Variants in ALPK3 observed in about 807,000 individuals in gnomAD.
ALPK3 encodes alpha kinase 3.
A neutral mutation model predicts 140.0 loss-of-function variants in ALPK3; 102 were observed. The ratio of observed to expected loss-of-function variants is 0.73; its 90% CI spans 0.62 to 0.86. The LOEUF (loss-of-function observed/expected upper bound fraction) is 0.86. Ranked by LOEUF, ALPK3 falls within the 40% of genes least tolerant of loss-of-function variation. The pLI is 0.00. For missense variants in ALPK3, 2,254 were observed against 2,208.2 expected, an observed-to-expected ratio of 1.02 and a Z score of -0.42; for synonymous variants, 938 against 898.5, an observed-to-expected ratio of 1.04 and a Z score of -0.79.
Position 84,862,798 on chromosome 15 carries a change from G to C in ALPK3, c.4293G>C (p.Gly1431=), listed in dbSNP as rs748265415. The C allele has an allele frequency of 1.2e-6, 2 of 1,614,008 alleles. No individual in the cohort carries two copies. Among genetic ancestry groups the C allele is most frequent in the African/African-American group, 2.7e-5 (2 of 74,906 alleles). Residue 1431 remains glycine, a synonymous_variant, in exon 10 of 14, where the codon GGG becomes GGC. Coordinates refer to ENST00000258888, the MANE Select transcript of ALPK3 (RefSeq NM_020778.5). ...CCTCCCAGGCCAAGGTCATCTACGG[G>C]CTGGAACCCATCTTCGAGTCGGGCC... The part of the protein sequence containing the change: ...RKASQAKVIY[G]LEPIFESGRT...
chr15:84,845,770 C>A (rs774761675), intron 5 of ALPK3, among the ~76,000 whole-genome samples: 5 of 152,210 alleles, frequency 3.3e-5, no homozygotes, highest in Non-Finnish European at 7.3e-5. Flanking sequence ...ATCCAAATAG[C>A]ACTGCAGGCC....
chr15:84,834,400 C>T (rs1314157877), intron 3 of ALPK3, among the ~76,000 whole-genome samples: 1 of 152,174 alleles, frequency 6.6e-6, no homozygotes, highest in Non-Finnish European at 1.5e-5. Flanking sequence ...CTGGGATTTC[C>T]TCGTCCTTAA....
chr15:84,859,580 A>G (rs754980755), intron 7 of ALPK3, among the ~76,000 whole-genome samples, 190 bp downstream of exon 7: 11 of 152,228 alleles, frequency 7.2e-5, no homozygotes, highest in Middle Eastern at 3.2e-3. Context: ...CCAAAGCCAC[A>G]CAGCTAGTAA....
At chr15:84,822,365 G>C (rs1481544725) in intron 1 of ALPK3, among the ~76,000 whole-genome samples, 3 of 152,148 alleles carry the variant, frequency 2.0e-5, no homozygotes, top group African/African-American at 7.2e-5. Flanking sequence ...AAAAGGATGG[G>C]TTTGGTGTTG....
chr15:84,842,232 C>T lies in ALPK3; in HGVS notation c.1653+1300C>T, dbSNP rs182176700. On this transcript the variant is annotated intron_variant, in intron 5 of 13. Coordinates refer to ENST00000258888, the MANE Select transcript of ALPK3 (RefSeq NM_020778.5). ...TATTTTTAGTAGAGACAGGGTTTTG[C>T]TGTGTTGACCAGGCTGATCTTGAAC... Among the ~76,000 whole-genome samples the T allele has an allele frequency of 3.1e-3, 466 of 152,346 alleles. 3 individuals are homozygous for T. The highest frequency in any genetic ancestry group is 0.011 in the African/African-American group (454 of 41,592).
Position 84,857,553 on chromosome 15 carries a change from G to T in ALPK3, c.2815G>T (p.Val939Leu). ...ATSSEGACAQVPDVEGRTPGP... is the reference protein window; with the variant it reads ...ATSSEGACAQLPDVEGRTPGP... ...CAGCAGTGAGGGGGCCTGCGCCCAG[G>T]TACCAGATGTGGAGGGGCGGACCCC... Residue 939 changes from valine to leucine, a missense_variant, in exon 6 of 14, where the codon GTA (valine) becomes TTA (leucine). By Grantham distance (32) the Val-to-Leu change is conservative. Coordinates refer to ENST00000258888, the MANE Select transcript of ALPK3 (RefSeq NM_020778.5). 6.3e-7 allele frequency: 1 copy of T among 1,581,882 alleles called. No individual in the cohort carries two copies. Among genetic ancestry groups the T allele is most frequent in the South Asian group, 1.2e-5 (1 of 85,404 alleles).
At chr15:84,841,177 AGGGGACTGT>A (rs1963661340) in intron 5 of ALPK3, among the ~76,000 whole-genome samples, 1 of 152,186 alleles carries the variant, frequency 6.6e-6, no homozygotes, top group Non-Finnish European at 1.5e-5. Flanking sequence ...TTCACAGCCA[AGGGGACTGT>A]GCCCCGGAGG....
At chr15:84,865,205 A>C (rs1451497708) in intron 12 of ALPK3, among the ~76,000 whole-genome samples, 1 of 152,208 alleles carries the variant, frequency 6.6e-6, no homozygotes, top group Non-Finnish European at 1.5e-5. Flanking sequence ...GAAGGCCAGC[A>C]GGCATGAACC....
chr15:84,818,176 G>A (rs910410594), intron 1 of ALPK3, among the ~76,000 whole-genome samples: 1 of 152,192 alleles, frequency 6.6e-6, no homozygotes, highest in African/African-American at 2.4e-5. Context: ...GGTACTGTCT[G>A]GAGATGTTGG....
intron 3 of ALPK3, among the ~76,000 whole-genome samples, chr15:84,830,335 A>C (rs1295528991): frequency 2.0e-5 from 3 of 152,120 alleles, no homozygotes; most frequent in African/African-American, 7.2e-5. Context: ...CTGTGGATTT[A>C]ATTCAGCTTC....
At chr15:84,862,945 T>A (rs777726245) in intron 10 of ALPK3, 30 bp downstream of exon 10, 1 of 1,598,786 alleles carries the variant, frequency 6.3e-7, no homozygotes, top group Non-Finnish European at 8.5e-7. Flanking sequence ...CACCCCATTC[T>A]TTTATTCTCT....
chr15:84,849,653 T>A (rs1963779070), intron 5 of ALPK3, among the ~76,000 whole-genome samples: 2 of 152,108 alleles, frequency 1.3e-5, no homozygotes, highest in South Asian at 4.1e-4. Flanking sequence ...AGAACATACT[T>A]TTATGGGCCA....
rs755804498 is a variant in ALPK3, at chr15:84,839,956, G to A, written c.677G>A (p.Arg226Gln). The change falls in exon 5 of 14, where the codon CGA (arginine) becomes CAA (glutamine). Residue 226 changes from arginine to glutamine, a missense_variant. Arg to Gln is a conservative substitution (Grantham distance 43). This residue lies in a region of ALPK3 where 2,088 missense variants were observed against 2,022.9 expected (regional missense o/e 1.03). Coordinates refer to ENST00000258888, the MANE Select transcript of ALPK3 (RefSeq NM_020778.5). Reference sequence around the variant, plus strand: ...CCCGACCGCTTCCAGCGAAAGCGGCGATTGAGCGGGGCTCAAGCGCCGGGC... The same window carrying A: ...CCCGACCGCTTCCAGCGAAAGCGGCAATTGAGCGGGGCTCAAGCGCCGGGC... ...LSPDRFQRKR[R>Q]LSGAQAPGPS... 4.3e-6 allele frequency: 7 copies of A among 1,613,324 alleles called. No individual in the cohort carries two copies. Among genetic ancestry groups the A allele is most frequent in the Non-Finnish European group, 5.9e-6 (7 of 1,179,674 alleles).
intron 5 of ALPK3, among the ~76,000 whole-genome samples, chr15:84,855,854 G>A (rs571167046): frequency 6.6e-6 from 1 of 152,316 alleles, no homozygotes; most frequent in African/African-American, 2.4e-5. Context: ...ATGCCATTCA[G>A]AATTACTTTA....
Position 84,857,190 on chromosome 15 carries a change from T to A in ALPK3, c.2452T>A (p.Cys818Ser). 3 of 1,613,456 alleles carry A rather than the reference T, an allele frequency of 1.9e-6. No homozygotes were observed. Among genetic ancestry groups the A allele is most frequent in the Non-Finnish European group, 2.5e-6 (3 of 1,179,760 alleles). ...TGTGGAGCAGGTGGGAGGAGAGAGA[T>A]GCCGAGGGCCACAGTCATCAGGCCC... ...GSVEQVGGER[C>S]RGPQSSGPVE... is the part of the protein sequence containing the mutation. The change falls in exon 6 of 14, where the codon TGC becomes AGC. Residue 818 changes from cysteine (C) to serine (S), a missense_variant. Physicochemically the swap from Cys to Ser is moderately radical, Grantham distance 112. This residue lies in a region of ALPK3 where 2,088 missense variants were observed against 2,022.9 expected (regional missense o/e 1.03). Transcript: ENST00000258888.
chr15:84,855,166 T>C (rs181542080), intron 5 of ALPK3, among the ~76,000 whole-genome samples: 19 of 152,378 alleles, frequency 1.2e-4, no homozygotes, highest in African/African-American at 4.3e-4. Flanking sequence ...CTTCGGCCAG[T>C]TTCCACCCAG....
At chr15:84,841,432 C>G (rs1048719579) in intron 5 of ALPK3, among the ~76,000 whole-genome samples, 7 of 152,206 alleles carry the variant, frequency 4.6e-5, no homozygotes, top group Non-Finnish European at 1.0e-4. Context: ...TACCTATATG[C>G]AAATCTGACT....
rs2141567846 is a variant in ALPK3, at chr15:84,857,170, A to G, written c.2432A>G (p.Glu811Gly). 3.7e-6 allele frequency: 6 copies of G among 1,614,014 alleles called. No homozygotes were observed. Among genetic ancestry groups the G allele is most frequent in the Non-Finnish European group, 5.1e-6 (6 of 1,179,962 alleles). Residue 811 changes from glutamate to glycine, a missense_variant, in exon 6 of 14, where the codon GAG becomes GGG. This residue lies in a region of ALPK3 where 2,088 missense variants were observed against 2,022.9 expected (regional missense o/e 1.03). Transcript: ENST00000258888. ...PAQPPHEGSV[E>G]QVGGERCRGP... Reference sequence around the variant, plus strand: ...CAGCCGCCCCATGAGGGGAGTGTGGAGCAGGTGGGAGGAGAGAGATGCCGA... The same window carrying G: ...CAGCCGCCCCATGAGGGGAGTGTGGGGCAGGTGGGAGGAGAGAGATGCCGA...
At chr15:84,831,099 A>G (rs1186438732) in intron 3 of ALPK3, among the ~76,000 whole-genome samples, 2 of 152,194 alleles carry the variant, frequency 1.3e-5, no homozygotes, top group Admixed American at 6.5e-5. Flanking sequence ...TCAGAATTTT[A>G]GACATTGTTC....
Sources: allele counts gnomAD v4.1 joint callset (sites outside exome capture counted in the v4.1 genomes callset), GRCh38; gene constraint gnomAD v4.1.1; regional missense constraint gnomAD v4.1.1; transcripts MANE v1.5; gene names NCBI Gene and HGNC (gene_info 2026-07-23, HGNC 2026-07-21).